The following THSD7A variants were observed in gnomAD, a reference collection of about 807,000 sequenced individuals.
The protein encoded by THSD7A is thrombospondin type-1 domain-containing protein 7A.
A neutral mutation model predicts 231.3 loss-of-function variants in THSD7A; 96 were observed. That is an observed-to-expected ratio of 0.41 (90% CI 0.35 to 0.49). The LOEUF (loss-of-function observed/expected upper bound fraction) is 0.49. Among genes scored for constraint, THSD7A ranks in the 20% least tolerant of loss-of-function variants. THSD7A has a pLI of 0.05. For missense variants in THSD7A, 2,290 were observed against 2,070.2 expected (o/e 1.11, Z -2.06); for synonymous variants, 940 against 743.3 (o/e 1.26, Z -4.30).
At chr7:11,430,076 G>C (rs1784433485) in intron 13 of THSD7A, among the ~76,000 whole-genome samples, 1 of 152,182 alleles carries the variant, frequency 6.6e-6, no homozygotes, top group Non-Finnish European at 1.5e-5. Flanking sequence ...TCTGAATGTG[G>C]AGAGAAGGTG....
chr7:11,792,040 C>G (rs1007806276), intron 1 of THSD7A, among the ~76,000 whole-genome samples: 1 of 151,896 alleles, frequency 6.6e-6, no homozygotes, highest in Non-Finnish European at 1.5e-5. Flanking sequence ...ACTAGTTATT[C>G]TCTGTATATT....
chr7:11,437,804 C>T (rs1277200697), intron 13 of THSD7A, among the ~76,000 whole-genome samples: 1 of 151,986 alleles, frequency 6.6e-6, no homozygotes, highest in Non-Finnish European at 1.5e-5. Context: ...CCTATATAAT[C>T]TTTGGTAGAA....
chr7:11,783,927 T>C (rs1411500345), intron 1 of THSD7A, among the ~76,000 whole-genome samples: 1 of 152,102 alleles, frequency 6.6e-6, no homozygotes, highest in Non-Finnish European at 1.5e-5. Context: ...AATCCCCTTT[T>C]GTCACTTCAT....
intron 2 of THSD7A, among the ~76,000 whole-genome samples, chr7:11,620,495 A>G (rs534766869): frequency 5.3e-5 from 8 of 152,316 alleles, no homozygotes; most frequent in African/African-American, 1.7e-4. Flanking sequence ...ATGATCATTT[A>G]TAATAGAGAA....
intron 1 of THSD7A, among the ~76,000 whole-genome samples, chr7:11,740,221 C>T (rs564859559): frequency 6.6e-6 from 1 of 152,056 alleles, no homozygotes; most frequent in South Asian, 2.1e-4. Flanking sequence ...CAATGCTGGG[C>T]TATACCCACA....
rs140652020 is a variant in THSD7A, at chr7:11,756,437, C to A, written c.190+75320G>T. Among the ~76,000 whole-genome samples the A allele has an allele frequency of 2.5e-3, 377 of 152,076 alleles. 2 individuals are homozygous for A. Among genetic ancestry groups the A allele is most frequent in the Middle Eastern group, 0.014 (4 of 294 alleles). Reference sequence around the variant, plus strand: ...AATACTTGGGGAGTAACTGAAATATCTTGGAGAAGTGGGGAGAGAAATTCT... The same window carrying A: ...AATACTTGGGGAGTAACTGAAATATATTGGAGAAGTGGGGAGAGAAATTCT... On this transcript the variant is annotated intron_variant, in intron 1 of 27. Transcript: ENST00000423059.
chr7:11,740,687 T>C (rs1022785364), intron 1 of THSD7A, among the ~76,000 whole-genome samples: 3 of 151,954 alleles, frequency 2.0e-5, no homozygotes, highest in Admixed American at 2.0e-4. Flanking sequence ...CTGTTCAGTG[T>C]TTATATACCT....
intron 6 of THSD7A, among the ~76,000 whole-genome samples, chr7:11,498,521 A>G (rs1583853627): frequency 1.3e-5 from 2 of 152,182 alleles, no homozygotes; most frequent in South Asian, 4.1e-4. Context: ...GTGGGCCACC[A>G]TCTTTGCTGT....
rs377255387 is a variant in THSD7A, at chr7:11,447,254, T to C, written c.2776A>G (p.Arg926Gly). Residue 926 changes from arginine (R) to glycine (G), a missense_variant, in exon 12 of 28, where the codon AGG (arginine) becomes GGG (glycine). Transcript: ENST00000423059. ...SSCNGDCGAVRTRKRTLVGKS... is the reference protein window; with the variant it reads ...SSCNGDCGAVGTRKRTLVGKS... ...CCAACAAGAGTGCGCTTTCTGGTCC[T>C]AACTGCACCACAGTCTCCATTGCAT... The C allele has an allele frequency of 3.1e-6, 5 of 1,612,984 alleles. No homozygotes were observed. The African/African-American group carries it at 4.0e-5, about 13-fold the overall frequency.
At chr7:11,523,158 A>G (rs1194700723) in intron 6 of THSD7A, among the ~76,000 whole-genome samples, 1 of 152,170 alleles carries the variant, frequency 6.6e-6, no homozygotes, top group East Asian at 1.9e-4. Context: ...TGGTGAATAA[A>G]GAATTCAAAA....
intron 17 of THSD7A, among the ~76,000 whole-genome samples, chr7:11,413,659 G>A (rs1783863422): frequency 6.6e-6 from 1 of 152,170 alleles, no homozygotes; most frequent in African/African-American, 2.4e-5. Flanking sequence ...CCTTTGTAAA[G>A]CTAATGAAAG....
intron 22 of THSD7A, among the ~76,000 whole-genome samples, chr7:11,402,565 G>A (rs1389920267): frequency 6.6e-6 from 1 of 152,110 alleles, no homozygotes; most frequent in South Asian, 2.1e-4. Flanking sequence ...TTTATTGAAG[G>A]ATAACAAACA....
At chr7:11,796,478 A>C (rs572966219) in intron 1 of THSD7A, among the ~76,000 whole-genome samples, 1 of 152,020 alleles carries the variant, frequency 6.6e-6, no homozygotes, top group Admixed American at 6.6e-5. Context: ...TAATTTGAAA[A>C]GAATTTTTAT....
chr7:11,784,951 C>T (rs1783743084), intron 1 of THSD7A, among the ~76,000 whole-genome samples: 1 of 152,052 alleles, frequency 6.6e-6, no homozygotes, highest in Non-Finnish European at 1.5e-5. Context: ...GGTAGTAAAC[C>T]TTGCACTTAA....
chr7:11,545,875 T>A (rs1282169905), intron 4 of THSD7A, among the ~76,000 whole-genome samples: 1 of 152,200 alleles, frequency 6.6e-6, no homozygotes, highest in Admixed American at 6.5e-5. Flanking sequence ...CTCTTCAAGA[T>A]GGCTTTGGCC....
chr7:11,469,777 AG>A, intron 9 of THSD7A, 101 bp downstream of exon 9: 1 of 726,808 alleles, frequency 1.4e-6, no homozygotes, highest in Non-Finnish European at 2.4e-6. Flanking sequence ...AGGTTTACAT[AG>A]CCCTGTGCAA....
At chr7:11,544,104 G>A (rs535942575) in intron 4 of THSD7A, among the ~76,000 whole-genome samples, 97 of 152,218 alleles carry the variant, frequency 6.4e-4, no homozygotes, top group African/African-American at 2.0e-3. Flanking sequence ...AGCATTTTGG[G>A]AGGACGAGGT....
chr7:11,739,357 CACTT>C (rs1258361106), intron 1 of THSD7A, among the ~76,000 whole-genome samples: 4 of 151,822 alleles, frequency 2.6e-5, no homozygotes, highest in African/African-American at 9.7e-5. Context: ...CATGGAATAA[CACTT>C]ATAAGTATTT....
At chr7:11,751,685 A>C (rs1782506498) in intron 1 of THSD7A, among the ~76,000 whole-genome samples, 1 of 152,032 alleles carries the variant, frequency 6.6e-6, no homozygotes, top group African/African-American at 2.4e-5. Context: ...TGTCAAATTA[A>C]AAATGTAAGC....
Sources: allele counts gnomAD v4.1 joint callset (sites outside exome capture counted in the v4.1 genomes callset), GRCh38; gene constraint gnomAD v4.1.1; transcripts MANE v1.5; gene names NCBI Gene and HGNC (gene_info 2026-07-23, HGNC 2026-07-21).